Variants in KCNIP4 observed in about 807,000 individuals in gnomAD.
KCNIP4 encodes potassium voltage-gated channel interacting protein 4, also known as Kv channel-interacting protein 4.
A neutral mutation model predicts 34.0 loss-of-function variants in KCNIP4; 12 were observed. The ratio of observed to expected loss-of-function variants is 0.35; its 90% CI spans 0.23 to 0.57. The LOEUF is 0.57. Ranked by LOEUF, KCNIP4 falls within the 20% of genes least tolerant of loss-of-function variation. The pLI is 0.83. For synonymous variants in KCNIP4, 124 were observed against 102.2 expected (o/e 1.21, Z -1.29); for missense variants, 238 against 311.7 (o/e 0.76, Z 1.78).
intron 1 of KCNIP4, among the ~76,000 whole-genome samples, chr4:21,324,588 A>G (rs770913930): frequency 6.6e-6 from 1 of 151,806 alleles, no homozygotes; most frequent in Non-Finnish European, 1.5e-5. Context: ...TGGGTTGTCT[A>G]TTCTGTTCCA....
At chr4:21,798,446 A>G (rs71607093) in intron 1 of KCNIP4, among the ~76,000 whole-genome samples, 14,051 of 127,218 alleles carry the variant, frequency 0.11, 800 homozygotes, top group Middle Eastern at 0.17. Context: ...GTGGTGGCAC[A>G]CATCTGTAGT....
intron 1 of KCNIP4, among the ~76,000 whole-genome samples, chr4:21,486,130 A>G (rs750695035): frequency 2.0e-5 from 3 of 152,186 alleles, no homozygotes; most frequent in African/African-American, 4.8e-5. Flanking sequence ...AGTAAGCTGC[A>G]TTTATTTACT....
chr4:20,967,656 C>T lies in KCNIP4; in HGVS notation c.62-84947G>A, dbSNP rs188757932. Among the ~76,000 whole-genome samples the T allele has an allele frequency of 8.9e-4, 135 of 152,260 alleles. 1 individual carries two copies. Among genetic ancestry groups the T allele is most frequent in the Non-Finnish European group, 1.5e-3 (100 of 68,010 alleles). ...CTACAACCATCTGATCTTTGACAAA[C>T]CTGACAGAAACAAGCAATGGGGAAG... On this transcript the variant is annotated intron_variant, in intron 1 of 8. Transcript: ENST00000382152.
intron 1 of KCNIP4, among the ~76,000 whole-genome samples, chr4:21,076,185 G>A (rs1745471335): frequency 1.3e-5 from 2 of 152,114 alleles, no homozygotes; most frequent in African/African-American, 4.8e-5. Context: ...ATGTTGACCT[G>A]CCTTGCTAGG....
At chr4:21,554,529 T>A (rs903105619) in intron 1 of KCNIP4, among the ~76,000 whole-genome samples, 25 of 152,122 alleles carry the variant, frequency 1.6e-4, no homozygotes, top group African/African-American at 6.0e-4. Context: ...CAAGAGCAAT[T>A]CTTTGCCAAT....
chr4:21,214,543 A>G (rs373027229), intron 1 of KCNIP4, among the ~76,000 whole-genome samples: 1 of 152,174 alleles, frequency 6.6e-6, no homozygotes, highest in East Asian at 1.9e-4. Context: ...TAGTTTGATT[A>G]CCTGTGTTGC....
chr4:21,104,445 G>GT (rs1187012824), intron 1 of KCNIP4, among the ~76,000 whole-genome samples: 1 of 151,952 alleles, frequency 6.6e-6, no homozygotes, highest in Non-Finnish European at 1.5e-5. Context: ...GGGGTTGTTT[G>GT]TTTTTTTCTT....
At chr4:21,471,438 T>C (rs1312826495) in intron 1 of KCNIP4, among the ~76,000 whole-genome samples, 1 of 152,180 alleles carries the variant, frequency 6.6e-6, no homozygotes, top group Non-Finnish European at 1.5e-5. Flanking sequence ...ATTAAGAGAA[T>C]AATAATTAGC....
intron 1 of KCNIP4, among the ~76,000 whole-genome samples, chr4:21,156,809 C>T (rs1753175782): frequency 6.6e-6 from 1 of 151,882 alleles, no homozygotes; most frequent in African/African-American, 2.4e-5. Context: ...TTCTAAACTC[C>T]TATATTTTGA....
intron 1 of KCNIP4, among the ~76,000 whole-genome samples, chr4:21,879,876 G>A (rs892002298): frequency 6.6e-6 from 1 of 152,030 alleles, no homozygotes. Context: ...TCTCATGATC[G>A]TAAGTTTTCA....
intron 1 of KCNIP4, among the ~76,000 whole-genome samples, chr4:21,411,850 G>C (rs1445574323): frequency 5.3e-5 from 8 of 151,982 alleles, no homozygotes; most frequent in Non-Finnish European, 2.9e-5. Context: ...AAAAATAAAA[G>C]AAGTCAGAAT....
intron 1 of KCNIP4, among the ~76,000 whole-genome samples, chr4:21,829,103 C>T (rs570896118): frequency 2.6e-5 from 4 of 151,682 alleles, no homozygotes; most frequent in Admixed American, 1.3e-4. Flanking sequence ...CCCCAACTTA[C>T]GATGGTTTGA....
intron 1 of KCNIP4, among the ~76,000 whole-genome samples, chr4:21,502,293 A>G (rs940394142): frequency 1.6e-4 from 25 of 152,146 alleles, no homozygotes; most frequent in Admixed American, 1.0e-3. Context: ...TTTTCTTCTA[A>G]TTAAAAGCTT....
chr4:21,589,365 T>C (rs1017579813), intron 1 of KCNIP4, among the ~76,000 whole-genome samples: 2 of 148,216 alleles, frequency 1.3e-5, no homozygotes, highest in Non-Finnish European at 3.0e-5. Context: ...TATGTACATA[T>C]ATATATACAT....
At chr4:21,749,512 T>A (rs769551406) in intron 1 of KCNIP4, among the ~76,000 whole-genome samples, 1 of 152,152 alleles carries the variant, frequency 6.6e-6, no homozygotes, top group Non-Finnish European at 1.5e-5. Context: ...TTCCCAGACA[T>A]GCAGATAGTG....
chr4:21,767,422 A>C (rs1483904334), intron 1 of KCNIP4, among the ~76,000 whole-genome samples: 2 of 151,884 alleles, frequency 1.3e-5, no homozygotes. Flanking sequence ...TGCAGAGAGA[A>C]ATCAAGGAGA....
rs147914385 is a variant in KCNIP4 at position 21,350,747 on chromosome 4, T to C, written c.62-468038A>G. On this transcript the variant is annotated intron_variant, in intron 1 of 8. Transcript: ENST00000382152. ...CACCACCCATCATCAACTGAGTTAA[T>C]GCCCATCCCTAAATGTGTGTAACAT... is the stretch of plus-strand genomic sequence containing the variant. Among the ~76,000 whole-genome samples, 388 of 152,320 alleles carry C rather than the reference T, an allele frequency of 2.5e-3. 1 individual carries two copies. Among genetic ancestry groups the C allele is most frequent in the African/African-American group, 8.9e-3 (372 of 41,586 alleles).
At chr4:20,816,503 A>T (rs1010778251) in intron 3 of KCNIP4, among the ~76,000 whole-genome samples, 1 of 152,130 alleles carries the variant, frequency 6.6e-6, no homozygotes, top group African/African-American at 2.4e-5. Context: ...CATTAAACCC[A>T]ATTTCCTTAT....
intron 1 of KCNIP4, among the ~76,000 whole-genome samples, chr4:21,674,179 A>G (rs1252474429): frequency 6.6e-6 from 1 of 152,216 alleles, no homozygotes; most frequent in East Asian, 1.9e-4. Flanking sequence ...ATTTGTGTCT[A>G]GTCTAATTTT....
Sources: allele counts gnomAD v4.1 joint callset (sites outside exome capture counted in the v4.1 genomes callset), GRCh38; gene constraint gnomAD v4.1.1; transcripts MANE v1.5; gene names NCBI Gene and HGNC (gene_info 2026-07-23, HGNC 2026-07-21).